Variants in SH3BGR observed in about 807,000 individuals in gnomAD.
SH3BGR encodes SH3 domain binding glutamate rich protein.
In SH3BGR, 29 loss-of-function variants were observed where a neutral mutation model predicts 24.5. The observed-to-expected ratio is 1.18, with a 90% CI of 0.88 to 1.61. SH3BGR has a LOEUF of 1.61. SH3BGR is among the 40% of genes most tolerant of loss of function. The probability of loss-of-function intolerance (pLI) is 0.00; values close to 1 mark genes in which losing one functional copy is unlikely to be tolerated. For synonymous variants in SH3BGR, 55 were observed against 65.7 expected (o/e 0.84, Z 0.79); for missense variants, 162 against 205.8 (o/e 0.79, Z 1.30).
intron 2 of SH3BGR, among the ~76,000 whole-genome samples, chr21:39,473,047 T>A (rs1019159645): frequency 2.4e-4 from 37 of 152,276 alleles, no homozygotes; most frequent in African/African-American, 8.9e-4. Context: ...TTGAGACAAC[T>A]TTTAGGGCCT....
At chr21:39,509,150 C>A in intron 5 of SH3BGR, 123 bp downstream of exon 5, 1 of 670,178 alleles carries the variant, frequency 1.5e-6, no homozygotes, top group South Asian at 2.3e-5. Flanking sequence ...CCCACACACC[C>A]AGAAAATCCT....
intron 1 of SH3BGR, 132 bp downstream of exon 1, chr21:39,452,273 C>T (rs957380671): frequency 3.0e-6 from 3 of 1,013,526 alleles, no homozygotes; most frequent in South Asian, 1.4e-5. Context: ...GTATGTGCGC[C>T]CTTTGCTTTC....
At chr21:39,450,168 AT>A (rs1328347585), upstream of SH3BGR, among the ~76,000 whole-genome samples, 17 of 152,246 alleles carry the variant, frequency 1.1e-4, no homozygotes, top group Non-Finnish European at 2.4e-4. Flanking sequence ...GTATGAAAAA[AT>A]AATACGTACT....
At chr21:39,487,149 T>C (rs1385894232) in intron 3 of SH3BGR, among the ~76,000 whole-genome samples, 3 of 152,008 alleles carry the variant, frequency 2.0e-5, no homozygotes, top group Admixed American at 6.6e-5. Context: ...TGTTTTTTTG[T>C]TTCTGTTTTT....
At chr21:39,475,817 G>T (rs1354386951) in intron 3 of SH3BGR, among the ~76,000 whole-genome samples, 1 of 152,198 alleles carries the variant, frequency 6.6e-6, no homozygotes, top group Non-Finnish European at 1.5e-5. Flanking sequence ...TTTAATTCAT[G>T]TGACTTGCTA....
chr21:39,454,376 G>T (rs928434533), intron 1 of SH3BGR, among the ~76,000 whole-genome samples: 12 of 152,224 alleles, frequency 7.9e-5, no homozygotes, highest in Non-Finnish European at 1.5e-4. Context: ...AAAGCAAATT[G>T]TAGTCTCCTT....
chr21:39,467,196 T>A (rs1044309837), intron 2 of SH3BGR, among the ~76,000 whole-genome samples: 23 of 152,182 alleles, frequency 1.5e-4, no homozygotes, highest in Non-Finnish European at 3.1e-4. Flanking sequence ...CTACAGTTAT[T>A]TTCTGCTATA....
intron 1 of SH3BGR, among the ~76,000 whole-genome samples, chr21:39,460,610 C>T (rs915437471): frequency 6.6e-6 from 1 of 151,956 alleles, no homozygotes; most frequent in Non-Finnish European, 1.5e-5. Flanking sequence ...GCAGAGATTT[C>T]AGGCGCATGC....
At chr21:39,457,442 A>G (rs1287016643) in intron 1 of SH3BGR, among the ~76,000 whole-genome samples, 1 of 138,806 alleles carries the variant, frequency 7.2e-6, no homozygotes, top group Non-Finnish European at 1.6e-5. Flanking sequence ...ATAGTTATAT[A>G]TAAATCTTAT....
At chr21:39,498,647 G>C (rs1602156393) in intron 3 of SH3BGR, among the ~76,000 whole-genome samples, 1 of 152,204 alleles carries the variant, frequency 6.6e-6, no homozygotes, top group Non-Finnish European at 1.5e-5. Flanking sequence ...CCTTCCCAAT[G>C]GTGATGTAGT....
chr21:39,505,187 A>G (rs1278823285), intron 4 of SH3BGR, among the ~76,000 whole-genome samples: 1 of 152,190 alleles, frequency 6.6e-6, no homozygotes, highest in Non-Finnish European at 1.5e-5. Context: ...CATTACACAA[A>G]TGCAGTCATT....
At chr21:39,477,178 TTTAA>T (rs2078040856) in intron 3 of SH3BGR, among the ~76,000 whole-genome samples, 1 of 152,240 alleles carries the variant, frequency 6.6e-6, no homozygotes, top group Non-Finnish European at 1.5e-5. Context: ...TTCCTATATG[TTTAA>T]TTTTTACTTA....
At chr21:39,486,924 G>T (rs1054153153) in intron 3 of SH3BGR, among the ~76,000 whole-genome samples, 1 of 151,950 alleles carries the variant, frequency 6.6e-6, no homozygotes, top group African/African-American at 2.4e-5. Context: ...CAGCATGTTG[G>T]CCAGGCTGAT....
chr21:39,492,863 C>T (rs150753683), intron 3 of SH3BGR, among the ~76,000 whole-genome samples: 1 of 152,150 alleles, frequency 6.6e-6, no homozygotes, highest in Admixed American at 6.5e-5. Flanking sequence ...TTGCATTTCC[C>T]TGATCATTAG....
chr21:39,496,667 C>T (rs913256822), intron 3 of SH3BGR, among the ~76,000 whole-genome samples: 2 of 151,964 alleles, frequency 1.3e-5, no homozygotes, highest in Non-Finnish European at 2.9e-5. Flanking sequence ...GTTTTGTTTA[C>T]ATCAATAATT....
chr21:39,490,716 C>T (rs571361798), intron 3 of SH3BGR, among the ~76,000 whole-genome samples: 24 of 149,432 alleles, frequency 1.6e-4, no homozygotes, highest in Admixed American at 4.1e-4. Context: ...TTTTTGGAGA[C>T]AGCATCTGAT....
chr21:39,498,346 T>C (rs904719832), intron 3 of SH3BGR, among the ~76,000 whole-genome samples: 14 of 152,152 alleles, frequency 9.2e-5, no homozygotes, highest in Non-Finnish European at 1.5e-5. Flanking sequence ...AAAAATAACC[T>C]GATATTTTAA....
intron 1 of SH3BGR, among the ~76,000 whole-genome samples, chr21:39,446,803 A>C (rs1315965822): frequency 6.6e-6 from 1 of 152,192 alleles, no homozygotes; most frequent in Non-Finnish European, 1.5e-5. Flanking sequence ...TATACGTTGC[A>C]AATATTTCCT....
chr21:39,459,365 C>G (rs1382564867), intron 1 of SH3BGR, among the ~76,000 whole-genome samples: 1 of 152,040 alleles, frequency 6.6e-6, no homozygotes. Flanking sequence ...GCTTGCACTA[C>G]AGGTGCGTGC....
Sources: allele counts gnomAD v4.1 joint callset (sites outside exome capture counted in the v4.1 genomes callset), GRCh38; gene constraint gnomAD v4.1.1; transcripts MANE v1.5; gene names NCBI Gene and HGNC (gene_info 2026-07-23, HGNC 2026-07-21).